The following BAP1 variants were observed in gnomAD, a reference collection of about 807,000 sequenced individuals.
BAP1 encodes the protein ubiquitin carboxyl-terminal hydrolase BAP1.
In BAP1, 16 loss-of-function variants were observed where a neutral mutation model predicts 77.2. The observed-to-expected ratio is 0.21, with a 90% confidence interval of 0.14 to 0.31. The LOEUF (loss-of-function observed/expected upper bound fraction) is 0.31, where lower values mean the gene tolerates loss of function less well. Ranked by LOEUF, BAP1 falls within the 10% of genes least tolerant of loss-of-function variation. The pLI, the probability that BAP1 is intolerant of heterozygous loss-of-function variation, is 1.00. For missense variants in BAP1, 699 were observed against 967.3 expected, an observed-to-expected ratio of 0.72 and a Z score of 3.68; for synonymous variants, 362 against 385.2, an observed-to-expected ratio of 0.94 and a Z score of 0.71.
chr3:52,409,462 T>C, intron 3 of BAP1, 92 bp downstream of exon 3: 2 of 1,517,950 alleles, frequency 1.3e-6, no homozygotes, highest in Non-Finnish European at 1.8e-6. Flanking sequence ...AACGTAGGGT[T>C]CCTGGCACTG....
At chr3:52,407,855 A>G in intron 5 of BAP1, 103 bp downstream of exon 5, 1 of 1,532,680 alleles carries the variant, frequency 6.5e-7, no homozygotes, top group South Asian at 1.2e-5. Flanking sequence ...TGAAAAAGAA[A>G]CAGCCTAATA....
Position 52,402,891 on chromosome 3 carries a change from C to G in BAP1, c.1891-20G>C, listed in dbSNP as rs375522429. On this transcript the variant is annotated intron_variant, in intron 14 of 16. Coordinates refer to ENST00000460680, the MANE Select transcript of BAP1 (RefSeq NM_004656.4). The surrounding 1 kb of genome is among the most constrained non-coding windows in gnomAD (Gnocchi z 5.3). ...CAGCTCCTGCCAAAACCCAGCATTG[C>G]ACCTCTGATCGGGGCGGGCCAGCAA... 8.1e-6 allele frequency: 13 copies of G among 1,613,974 alleles called. No individual in the cohort carries two copies. In the Admixed American group the frequency reaches 1.5e-4, roughly 19 times the overall value.
In BAP1 at chr3:52,403,555, C is replaced by T. The variant is rs2153226654; in HGVS notation, c.1590G>A (p.Val530=). The part of the protein sequence containing the change: ...SSPVTSHISK[V]LFGEDDSLLR... ...GCAGGCTGTCATCCTCTCCAAAAAG[C>T]ACCTTGGAGATGTGGGAGGTGACAG... The change falls in exon 13 of 17, where the codon GTG becomes GTA. Residue 530 remains valine, a synonymous_variant. Coordinates refer to ENST00000460680, the MANE Select transcript of BAP1 (RefSeq NM_004656.4). This position sits in a 1 kb window ranked among gnomAD's most constrained non-coding sequence, Gnocchi z 4.0. 1 of 1,614,114 alleles carries T rather than the reference C, an allele frequency of 6.2e-7. No individual in the cohort carries two copies. The highest frequency in any genetic ancestry group is 8.5e-7 in the Non-Finnish European group (1 of 1,180,008).
chr3:52,404,295 A>T (rs1050717326), intron 12 of BAP1, among the ~76,000 whole-genome samples, 158 bp downstream of exon 12: 1 of 152,200 alleles, frequency 6.6e-6, no homozygotes, highest in Non-Finnish European at 1.5e-5. Context: ...CTTCCTGGGG[A>T]CCTGGGGTCA....
At position 52,402,273 on chromosome 3, in the gene BAP1, C is replaced by G. The variant is rs1411968638; in HGVS notation, c.*15G>C. On this transcript the variant is annotated 3_prime_UTR_variant, in exon 17 of 17. Coordinates refer to ENST00000460680, the MANE Select transcript of BAP1 (RefSeq NM_004656.4). This position sits in a 1 kb window ranked among gnomAD's most constrained non-coding sequence, Gnocchi z 5.3. ...ACACGGCAAGAGTGGGCTGCAGAGTCAGGGCCAGCAGTCCTCACTGGCGCT... is the reference window on the plus strand; with the variant it reads ...ACACGGCAAGAGTGGGCTGCAGAGTGAGGGCCAGCAGTCCTCACTGGCGCT... 1 of 1,599,932 alleles carries G rather than the reference C, an allele frequency of 6.3e-7. No individual in the cohort carries two copies.
In BAP1 at chr3:52,401,699, G is replaced by A. The variant is rs1292356715; in HGVS notation, c.*589C>T. On this transcript the variant is annotated 3_prime_UTR_variant, in exon 17 of 17. Transcript: ENST00000460680. ...TACTCCCAACCCAGCCCAGTGCTGG[G>A]TCCCTGAGTTTGGCACTCTCCTAAG... 1.3e-5 allele frequency: 3 copies of A among 239,288 alleles called. No individual in the cohort carries two copies. Among genetic ancestry groups the A allele is most frequent in the Non-Finnish European group, 2.5e-5 (3 of 121,516 alleles). 14.8% of individuals were successfully genotyped at this position (239,288 alleles called of 1,614,324 possible). A position where few individuals can be genotyped will look rare whatever the true frequency, so the allele number is the denominator to read the frequency against.
chr3:52,408,858 T>C (rs1705253710), intron 3 of BAP1, among the ~76,000 whole-genome samples: 1 of 152,200 alleles, frequency 6.6e-6, no homozygotes, highest in African/African-American at 2.4e-5. Flanking sequence ...CCAGTCTCCT[T>C]ATGAAGTCTA....
chr3:52,403,458 G>T lies in BAP1; in HGVS notation c.1687C>A (p.His563Asn), dbSNP rs1559586451. The change falls in exon 13 of 17, where the codon CAC becomes AAC. Residue 563 changes from histidine (H) to asparagine (N), a missense_variant. Physicochemically the swap from His to Asn is moderately conservative, Grantham distance 68. This residue lies in a region of BAP1 where 475 missense variants were observed against 532.4 expected (regional missense o/e 0.89). Transcript: ENST00000460680. This position sits in a 1 kb window ranked among gnomAD's most constrained non-coding sequence, Gnocchi z 4.0. ...CTCAGCACCCCATCCTCAGCCAGGT[G>T]CAGCAGGCCTGTGCTGATGACAGGA... ...LGPVISTGLL[H>N]LAEDGVLSPL... 1 of 1,613,944 alleles carries T rather than the reference G, an allele frequency of 6.2e-7. No homozygotes were observed. Among genetic ancestry groups the T allele is most frequent in the African/African-American group, 1.3e-5 (1 of 75,060 alleles).
In BAP1 at chr3:52,403,474, G is replaced by A. The variant is rs372765585; in HGVS notation, c.1671C>T (p.Ile557=). 2.5e-6 allele frequency: 4 copies of A among 1,613,976 alleles called. No homozygotes were observed. Among genetic ancestry groups the A allele is most frequent in the East Asian group, 4.5e-5 (2 of 44,892 alleles). The change falls in exon 13 of 17, where the codon ATC becomes ATT. Residue 557 remains isoleucine (I), a synonymous_variant. Coordinates refer to ENST00000460680, the MANE Select transcript of BAP1 (RefSeq NM_004656.4). This position sits in a 1 kb window ranked among gnomAD's most constrained non-coding sequence, Gnocchi z 4.0. ...NRAVRDLGPV[I]STGLLHLAED... is the part of the protein sequence containing the mutation. ...CAGCCAGGTGCAGCAGGCCTGTGCTGATGACAGGACCCAGATCACGGACAG... is the reference window on the plus strand; with the variant it reads ...CAGCCAGGTGCAGCAGGCCTGTGCTAATGACAGGACCCAGATCACGGACAG...
rs2153226644 is a variant in BAP1, at chr3:52,403,540, A to G, written c.1605T>C (p.Asp535=). Residue 535 remains aspartate, a synonymous_variant, in exon 13 of 17, where the codon GAT becomes GAC. Transcript: ENST00000460680. The surrounding 1 kb of genome is among the most constrained non-coding windows in gnomAD (Gnocchi z 4.0). ...TGCAGTCAACACGCAGCAGGCTGTC[A>G]TCCTCTCCAAAAAGCACCTTGGAGA... ...SHISKVLFGE[D]DSLLRVDCIR... 6.2e-7 allele frequency: 1 copy of G among 1,614,110 alleles called. No individual in the cohort carries two copies. Among genetic ancestry groups the G allele is most frequent in the Non-Finnish European group, 8.5e-7 (1 of 1,180,000 alleles).
intron 9 of BAP1, 44 bp from the exon 10 acceptor site, chr3:52,405,956 G>C (rs368707525): frequency 6.2e-7 from 1 of 1,612,148 alleles, no homozygotes; most frequent in Non-Finnish European, 8.5e-7. Flanking sequence ...GGTAGACCCG[G>C]GCTTCTACCT....
intron 5 of BAP1, 118 bp downstream of exon 5, chr3:52,407,840 T>C (rs1386598464): frequency 2.0e-6 from 3 of 1,467,176 alleles, no homozygotes; most frequent in African/African-American, 1.4e-5. Context: ...ACATAAACAA[T>C]CATTTGAAAA....
rs373910684 is a variant in BAP1 at position 52,409,839 on chromosome 3, C to T, written c.37+3G>A. The T allele has an allele frequency of 1.2e-6, 2 of 1,612,174 alleles. No homozygotes were observed. Among genetic ancestry groups the T allele is most frequent in the South Asian group, 1.1e-5 (1 of 91,074 alleles). On this transcript the variant is annotated splice_donor_region_variant and intron_variant, in intron 1 of 16. Coordinates refer to ENST00000460680, the MANE Select transcript of BAP1 (RefSeq NM_004656.4). ...CCCCTGGCCCTCCCGGTCCCCTCCT[C>T]ACCTGGGTCGCTCTCCAGCTCCAGC...
At chr3:52,409,087 T>C (rs1011843673) in intron 3 of BAP1, among the ~76,000 whole-genome samples, 1 of 152,248 alleles carries the variant, frequency 6.6e-6, no homozygotes, top group Non-Finnish European at 1.5e-5. Context: ...CGGTTGCTAC[T>C]GTTGCTACTC....
rs150441842 is a variant in BAP1 at position 52,403,703 on chromosome 3, T to A, written c.1442A>T (p.His481Leu). ...GCTGGGGGTGGGTGAGGGCTGCGAG[T>A]GTGTGGGCACTGCCACAGCCGGACT... ...AGSPAVAVPTHSQPSPTPSNE... is the reference protein window; with the variant it reads ...AGSPAVAVPTLSQPSPTPSNE... The change falls in exon 13 of 17, where the codon CAC becomes CTC. Residue 481 changes from histidine (H) to leucine (L), a missense_variant. By Grantham distance (99) the His-to-Leu change is moderately conservative. Coordinates refer to ENST00000460680, the MANE Select transcript of BAP1 (RefSeq NM_004656.4). The surrounding 1 kb of genome is among the most constrained non-coding windows in gnomAD (Gnocchi z 4.0). 1.2e-6 allele frequency: 2 copies of A among 1,613,736 alleles called. No individual in the cohort carries two copies. Among genetic ancestry groups the A allele is most frequent in the Non-Finnish European group, 1.7e-6 (2 of 1,179,910 alleles).
chr3:52,404,185 C>T (rs1309816920), intron 12 of BAP1, among the ~76,000 whole-genome samples: 1 of 152,240 alleles, frequency 6.6e-6, no homozygotes, highest in Non-Finnish European at 1.5e-5. Context: ...CTCCTCCATC[C>T]CTGCCCCAAC....
chr3:52,405,650 G>T (rs988511224), intron 10 of BAP1, 115 bp downstream of exon 10: 39 of 1,493,214 alleles, frequency 2.6e-5, no homozygotes, highest in Admixed American at 3.9e-5. Context: ...TTCTGACGGG[G>T]GAAGAACACT....
At position 52,404,490 on chromosome 3, in the gene BAP1, C is replaced by T. The variant is rs1705082679; in HGVS notation, c.1213G>A (p.Glu405Lys). 3.7e-6 allele frequency: 6 copies of T among 1,614,072 alleles called. No individual in the cohort carries two copies. Among genetic ancestry groups the T allele is most frequent in the South Asian group, 1.1e-5 (1 of 91,088 alleles). Residue 405 changes from glutamate (E) to lysine (K), a missense_variant, in exon 12 of 17, where the codon GAG (glutamate) becomes AAG (lysine). Glu to Lys is a moderately conservative substitution (Grantham distance 56). Transcript: ENST00000460680. ...SDDEDDYEDD[E>K]EDDVQNTNSA... The stretch of plus-strand genomic sequence containing the variant: ...TTGGTGTTCTGCACGTCATCCTCCT[C>T]GTCATCCTCATAGTCATCCTCATCA...
chr3:52,402,168 GGCCTGGACTCT>G lies in BAP1; in HGVS notation c.*109_*119del. 1 of 1,479,558 alleles carries G rather than the reference GGCCTGGACTCT, an allele frequency of 6.8e-7. No individual in the cohort carries two copies. The highest frequency in any genetic ancestry group is 9.1e-7 in the Non-Finnish European group (1 of 1,099,814). 91.7% of individuals were successfully genotyped at this position (1,479,558 alleles called of 1,614,324 possible). A position where few individuals can be genotyped will look rare whatever the true frequency, so the allele number is the denominator to read the frequency against. On this transcript the variant is annotated 3_prime_UTR_variant, in exon 17 of 17. Coordinates refer to ENST00000460680, the MANE Select transcript of BAP1 (RefSeq NM_004656.4). This position sits in a 1 kb window ranked among gnomAD's most constrained non-coding sequence, Gnocchi z 5.3. ...GTGGCCTGGTTCCTCCCATTCCCAG[GGCCTGGACTCT>G]CCAGCTGGGACTATTCAGTAATACT...
Sources: gnomAD v4.1 joint callset for allele counts (sites outside exome capture counted in the v4.1 genomes callset) on GRCh38, gnomAD v4.1.1 for gene constraint, gnomAD v4.1.1 regional missense constraint, Gnocchi (gnomAD v3.1) non-coding constraint, MANE v1.5 for transcripts, NCBI Gene and HGNC (gene_info 2026-07-23, HGNC 2026-07-21) for gene names.